TNS1: variants seen among roughly 807,000 people sequenced by gnomAD.
TNS1 encodes tensin 1, also known as tensin-1.
TNS1 carries 62 observed loss-of-function variants against 168.6 expected under a neutral mutation model. The ratio of observed to expected loss-of-function variants is 0.37; its 90% CI spans 0.30 to 0.45. The LOEUF is 0.45. Among genes scored for constraint, TNS1 ranks in the 20% least tolerant of loss-of-function variants. The probability of loss-of-function intolerance (pLI) is 1.00; values close to 1 mark genes in which losing one functional copy is unlikely to be tolerated. For synonymous variants in TNS1, 934 were observed against 933.2 expected, an observed-to-expected ratio of 1.00 and a Z score of -0.02; for missense variants, 2,240 against 2,339.4, an observed-to-expected ratio of 0.96 and a Z score of 0.88.
At chr2:217,841,169 A>G (rs1945897675) in intron 19 of TNS1, 1 of 967,704 alleles carries the variant, frequency 1.0e-6, no homozygotes, top group African/African-American at 1.8e-5. Flanking sequence ...AAGAGCTGGA[A>G]AGGGAGAAGG....
chr2:217,950,719 T>A (rs1957218429), intron 3 of TNS1, among the ~76,000 whole-genome samples: 2 of 150,438 alleles, frequency 1.3e-5, no homozygotes, highest in Admixed American at 1.3e-4. Flanking sequence ...CCAAGTCTGG[T>A]TCCTCTCTCT....
chr2:217,885,179 G>A lies in TNS1; in HGVS notation c.1117-15C>T, dbSNP rs772005763. The A allele has an allele frequency of 3.3e-5, 54 of 1,613,940 alleles. No individual in the cohort carries two copies. The African/African-American group carries it at 3.5e-4, about 10-fold the overall frequency. ...TAGCACTTCAGCTGGGTGGGAAGAC[G>A]GGCAGAACCAGTCAGGGGCCTGAGG... is the stretch of plus-strand genomic sequence containing the variant. On this transcript the variant is annotated splice_polypyrimidine_tract_variant and intron_variant, in intron 15 of 32. Coordinates refer to ENST00000682258, the MANE Select transcript of TNS1 (RefSeq NM_001387777.1).
At chr2:217,896,060 A>G (rs1355117810) in intron 8 of TNS1, among the ~76,000 whole-genome samples, 1 of 152,246 alleles carries the variant, frequency 6.6e-6, no homozygotes, top group African/African-American at 2.4e-5. Context: ...AGGACTTTAC[A>G]TCTAACAGCT....
chr2:217,804,289 T>TCTCTCTCTCTC lies in TNS1; in HGVS notation c.*169_*170insGAGAGAGAGAG, dbSNP rs71057580. 4.3e-6 allele frequency: 3 copies of TCTCTCTCTCTC among 700,676 alleles called. No homozygotes were observed. The highest frequency in any genetic ancestry group is 1.8e-5 in the African/African-American group (1 of 54,250). The allele number at this position is 700,676 out of a possible 1,614,324, so 43.4% of individuals were successfully genotyped here. A position where few individuals can be genotyped will look rare whatever the true frequency, so the allele number is the denominator to read the frequency against. On this transcript the variant is annotated 3_prime_UTR_variant, in exon 33 of 33. Transcript: ENST00000682258. ...CTCTCTCTCTCTCTCTCTCTCTCTC[T>TCTCTCTCTCTC]TTTCCCCCTCCCCTCTGCAATTCAC...
At chr2:217,829,632 G>C (rs888592442) in intron 22 of TNS1, among the ~76,000 whole-genome samples, 2 of 152,174 alleles carry the variant, frequency 1.3e-5, no homozygotes, top group Non-Finnish European at 2.9e-5. Context: ...GCCTGAGCCA[G>C]CGCCTGGCAG....
chr2:218,000,421 A>G (rs1001728091), intron 1 of TNS1, among the ~76,000 whole-genome samples: 46 of 152,156 alleles, frequency 3.0e-4, no homozygotes, highest in African/African-American at 8.4e-4. Context: ...CCATGACACC[A>G]TTCCCAGGGA....
intron 3 of TNS1, among the ~76,000 whole-genome samples, chr2:217,931,800 G>A (rs189954204): frequency 7.6e-4 from 115 of 152,224 alleles, no homozygotes; most frequent in African/African-American, 2.2e-3. Context: ...TTCCATTTTC[G>A]GAAACGTTAA....
chr2:217,938,398 G>A (rs1318255221), intron 3 of TNS1, among the ~76,000 whole-genome samples: 1 of 152,214 alleles, frequency 6.6e-6, no homozygotes, highest in African/African-American at 2.4e-5. Flanking sequence ...GTGGCCAGGA[G>A]CCCTACCCTT....
chr2:218,028,364 C>T (rs918789050), intron 1 of TNS1, among the ~76,000 whole-genome samples: 1 of 152,190 alleles, frequency 6.6e-6, no homozygotes, highest in Non-Finnish European at 1.5e-5. Context: ...GCAGGCCACC[C>T]GGGCCTATCA....
chr2:217,896,499 C>G (rs182186720), intron 8 of TNS1, among the ~76,000 whole-genome samples: 23 of 152,180 alleles, frequency 1.5e-4, no homozygotes, highest in Non-Finnish European at 2.9e-4. Context: ...TGGAGTGATG[C>G]GCTACAAACC....
intron 3 of TNS1, among the ~76,000 whole-genome samples, chr2:217,951,195 T>G (rs967118940): frequency 2.0e-5 from 3 of 152,144 alleles, no homozygotes; most frequent in Non-Finnish European, 4.4e-5. Context: ...CTGTGTAACC[T>G]CGAGCAAGTT....
chr2:217,886,094 T>C lies in TNS1; in HGVS notation c.990A>G (p.Pro330=), dbSNP rs10211238. 190,634 of 1,612,184 alleles carry C rather than the reference T, an allele frequency of 0.12. 15,772 individuals carry two copies. The highest frequency in any genetic ancestry group is 0.35 in the African/African-American group (26,181 of 74,530). ...PNFESKGGCR[P]FLRIYQAMQP... ...GCATGGCCTGGTAGATGCGGAGAAA[T>C]GGCCGACATCCTGTAAAAGTGGGGT... The change falls in exon 14 of 33, where the codon CCA becomes CCG. Residue 330 remains proline, a synonymous_variant. Coordinates refer to ENST00000682258, the MANE Select transcript of TNS1 (RefSeq NM_001387777.1).
At chr2:217,895,781 G>T (rs933522103) in intron 8 of TNS1, among the ~76,000 whole-genome samples, 1 of 152,130 alleles carries the variant, frequency 6.6e-6, no homozygotes, top group African/African-American at 2.4e-5. Flanking sequence ...ACCTCCGAGG[G>T]GGGCATGCAG....
At chr2:217,991,445 C>T (rs1433598124) in intron 1 of TNS1, among the ~76,000 whole-genome samples, 4 of 152,178 alleles carry the variant, frequency 2.6e-5, no homozygotes, top group Non-Finnish European at 5.9e-5. Context: ...TCCCCGAAGA[C>T]TCCCTCATGG....
chr2:217,938,341 A>C (rs1163313907), intron 3 of TNS1, among the ~76,000 whole-genome samples: 1 of 152,204 alleles, frequency 6.6e-6, no homozygotes, highest in Non-Finnish European at 1.5e-5. Context: ...GGGCACCGGA[A>C]AACAGGAGAC....
At chr2:217,980,504 CACAGAGAGAGAGAGAGAG>C (rs1236375689) in intron 2 of TNS1, among the ~76,000 whole-genome samples, 1,825 of 131,334 alleles carry the variant, frequency 0.014, 46 homozygotes, top group African/African-American at 0.049. Flanking sequence ...CCTACACACA[CACAGAGAGAGAGAGAGAG>C]AGAGAGAGAG....
chr2:217,885,286 G>A, intron 15 of TNS1, 122 bp from the exon 16 acceptor site: 1 of 1,374,900 alleles, frequency 7.3e-7, no homozygotes. Context: ...CGGTGAGGGA[G>A]AGCTCATCAA....
intron 19 of TNS1, among the ~76,000 whole-genome samples, chr2:217,845,032 T>C (rs1329106885): frequency 2.6e-5 from 4 of 152,232 alleles, no homozygotes; most frequent in African/African-American, 7.2e-5. Context: ...TGATGTATGC[T>C]ATAAATTTCT....
At chr2:218,009,100 C>G (rs1269919045) in intron 1 of TNS1, among the ~76,000 whole-genome samples, 2 of 152,210 alleles carry the variant, frequency 1.3e-5, no homozygotes, top group Non-Finnish European at 2.9e-5. Context: ...AAGTGGCTGG[C>G]TCCATAGCTG....
Sources: allele counts gnomAD v4.1 joint callset (sites outside exome capture counted in the v4.1 genomes callset), GRCh38; gene constraint gnomAD v4.1.1; transcripts MANE v1.5; gene names NCBI Gene and HGNC (gene_info 2026-07-23, HGNC 2026-07-21).